Variants in RAP1A observed in about 807,000 individuals in gnomAD.
RAP1A encodes the protein RAP1A, member of RAS oncogene family.
RAP1A carries 6 observed loss-of-function variants against 26.4 expected under a neutral mutation model. That is an observed-to-expected ratio of 0.23 (90% CI 0.12 to 0.45). The LOEUF is 0.45. Ranked by LOEUF, RAP1A falls within the 20% of genes least tolerant of loss-of-function variation. The pLI, the probability that RAP1A is intolerant of heterozygous loss-of-function variation, is 0.99. For synonymous variants in RAP1A, 73 were observed against 79.4 expected (o/e 0.92, Z 0.43); for missense variants, 121 against 217.2 (o/e 0.56, Z 2.78).
chr1:111,700,475 A>C (rs1270030392), intron 4 of RAP1A, among the ~76,000 whole-genome samples: 1 of 152,120 alleles, frequency 6.6e-6, no homozygotes, highest in African/African-American at 2.4e-5. Flanking sequence ...AATTGTGAGG[A>C]TAGCACCAAG....
intron 1 of RAP1A, among the ~76,000 whole-genome samples, chr1:111,573,228 T>C (rs1341035319): frequency 1.3e-5 from 2 of 152,228 alleles, no homozygotes; most frequent in Non-Finnish European, 2.9e-5. Context: ...TGTGTCCTTA[T>C]GGTGGAACAA....
At chr1:111,671,640 A>G (rs1660979186) in intron 1 of RAP1A, among the ~76,000 whole-genome samples, 1 of 151,980 alleles carries the variant, frequency 6.6e-6, no homozygotes, top group Admixed American at 6.6e-5. Flanking sequence ...ACACGTGGCT[A>G]ATTTCTGTAT....
intron 1 of RAP1A, among the ~76,000 whole-genome samples, chr1:111,564,686 G>A (rs920633739): frequency 1.3e-5 from 2 of 151,610 alleles, no homozygotes; most frequent in Admixed American, 6.6e-5. Context: ...CTAATTTTTT[G>A]TATTTTTAGT....
Position 111,716,143 on chromosome 1 carries a change from G to A in RAP1A, c.*3742G>A, listed in dbSNP as rs528429689. On this transcript the variant is annotated 3_prime_UTR_variant, in exon 8 of 8. Coordinates refer to ENST00000369709, the MANE Select transcript of RAP1A (RefSeq NM_002884.4). Reference sequence around the variant, plus strand: ...TACTTATTTAAGGTGCTAAATATGTGTTAAAATATCCCCTCTTGAATCAGC... The same window carrying A: ...TACTTATTTAAGGTGCTAAATATGTATTAAAATATCCCCTCTTGAATCAGC... 1.3e-5 allele frequency: 2 copies of A among 152,292 alleles called. No homozygotes were observed. Among genetic ancestry groups the A allele is most frequent in the South Asian group, 4.1e-4 (2 of 4,822 alleles). 9.4% of individuals were successfully genotyped at this position (152,292 alleles called of 1,614,324 possible).
intron 1 of RAP1A, among the ~76,000 whole-genome samples, chr1:111,660,834 C>T (rs1469753061): frequency 6.6e-6 from 1 of 152,146 alleles, no homozygotes; most frequent in Non-Finnish European, 1.5e-5. Flanking sequence ...ATTATAGTGC[C>T]CTACTTGTTC....
chr1:111,685,665 C>T (rs1383131795), intron 1 of RAP1A, among the ~76,000 whole-genome samples: 2 of 152,180 alleles, frequency 1.3e-5, no homozygotes, highest in Non-Finnish European at 2.9e-5. Context: ...AATGCTTTTA[C>T]ACTGTTGGTA....
chr1:111,638,689 G>A (rs1307894694), intron 1 of RAP1A, among the ~76,000 whole-genome samples: 1 of 152,114 alleles, frequency 6.6e-6, no homozygotes, highest in Non-Finnish European at 1.5e-5. Flanking sequence ...GCCCCCCAAA[G>A]TTCTGGGATT....
chr1:111,563,853 C>G, intron 1 of RAP1A: 1 of 1,612,812 alleles, frequency 6.2e-7, no homozygotes, highest in South Asian at 1.1e-5. Flanking sequence ...CACTGTGACT[C>G]AGGACTCAAG....
intron 1 of RAP1A, among the ~76,000 whole-genome samples, chr1:111,602,038 G>A (rs1435983162): frequency 1.3e-5 from 2 of 152,152 alleles, no homozygotes; most frequent in Non-Finnish European, 2.9e-5. Flanking sequence ...CCCTTCACCA[G>A]GACCTGCATC....
intron 1 of RAP1A, among the ~76,000 whole-genome samples, chr1:111,635,465 T>C (rs1172117149): frequency 6.6e-6 from 1 of 152,234 alleles, no homozygotes; most frequent in Non-Finnish European, 1.5e-5. Flanking sequence ...CTATATCTTG[T>C]TTGAGGATTA....
Position 111,640,424 on chromosome 1 carries a change from TTTAA to T in RAP1A, c.-28+20496_-28+20499del, listed in dbSNP as rs1659858143. Reference sequence around the variant, plus strand: ...TGTGATAAATTAGTATCAGTAAGACTTTAATTAATAATAGCCATCTGATAGCAGG... The same window carrying T: ...TGTGATAAATTAGTATCAGTAAGACTTTAATAATAGCCATCTGATAGCAGG... On this transcript the variant is annotated intron_variant, in intron 1 of 7. Coordinates refer to ENST00000369709, the MANE Select transcript of RAP1A (RefSeq NM_002884.4). Among the ~76,000 whole-genome samples the T allele has an allele frequency of 2.0e-5, 3 of 152,342 alleles. 1 individual carries two copies. Among genetic ancestry groups the T allele is most frequent in the African/African-American group, 7.2e-5 (3 of 41,592 alleles).
chr1:111,545,161 C>T (rs1378868071), intron 1 of RAP1A, among the ~76,000 whole-genome samples: 1 of 152,114 alleles, frequency 6.6e-6, no homozygotes. Context: ...ATTGCTGAAT[C>T]ATACAGTAAC....
At chr1:111,677,310 C>G (rs1004823327) in intron 1 of RAP1A, among the ~76,000 whole-genome samples, 1 of 152,130 alleles carries the variant, frequency 6.6e-6, no homozygotes, top group Non-Finnish European at 1.5e-5. Context: ...ATTACAAAGA[C>G]AGAAGTTGAA....
intron 1 of RAP1A, among the ~76,000 whole-genome samples, chr1:111,670,055 T>C (rs1660925227): frequency 6.6e-6 from 1 of 152,182 alleles, no homozygotes; most frequent in African/African-American, 2.4e-5. Flanking sequence ...AGTTTTCAGA[T>C]AAATAAAACT....
chr1:111,669,442 C>T (rs1361936654), intron 1 of RAP1A, among the ~76,000 whole-genome samples: 1 of 152,154 alleles, frequency 6.6e-6, no homozygotes, highest in Non-Finnish European at 1.5e-5. Flanking sequence ...TATCTTTCTT[C>T]CTGCCCATGA....
intron 1 of RAP1A, among the ~76,000 whole-genome samples, chr1:111,543,845 T>TG (rs1247296047): frequency 2.6e-5 from 4 of 152,100 alleles, no homozygotes. Context: ...ATTTTGAAGT[T>TG]GGTAAGGGTT....
intron 1 of RAP1A, among the ~76,000 whole-genome samples, chr1:111,621,247 C>A (rs1040517976): frequency 6.6e-6 from 1 of 152,182 alleles, no homozygotes; most frequent in African/African-American, 2.4e-5. Context: ...TGGAAACTTT[C>A]TTTGGGTTTC....
At chr1:111,564,713 C>G (rs377246730) in intron 1 of RAP1A, among the ~76,000 whole-genome samples, 1 of 151,620 alleles carries the variant, frequency 6.6e-6, no homozygotes, top group Non-Finnish European at 1.5e-5. Flanking sequence ...GGGGTTTCAC[C>G]GAGTCAGCCA....
At chr1:111,597,807 T>A (rs1453441256) in intron 1 of RAP1A, among the ~76,000 whole-genome samples, 2 of 152,158 alleles carry the variant, frequency 1.3e-5, no homozygotes, top group Admixed American at 1.3e-4. Flanking sequence ...ACATTCTAGG[T>A]CTCATGCCGC....
Sources: gnomAD v4.1 joint callset for allele counts (sites outside exome capture counted in the v4.1 genomes callset) on GRCh38, gnomAD v4.1.1 for gene constraint, MANE v1.5 for transcripts, NCBI Gene and HGNC (gene_info 2026-07-23, HGNC 2026-07-21) for gene names.